NRG3: variants seen among roughly 807,000 people sequenced by gnomAD.
The protein encoded by NRG3 is neuregulin 3.
In NRG3, 31 loss-of-function variants were observed where a neutral mutation model predicts 66.9. The ratio of observed to expected loss-of-function variants is 0.46; its 90% CI spans 0.35 to 0.63. The LOEUF is 0.63. Ranked by LOEUF, NRG3 falls within the 20% of genes least tolerant of loss-of-function variation. The probability of loss-of-function intolerance (pLI) is 0.00; values close to 1 mark genes in which losing one functional copy is unlikely to be tolerated. For synonymous variants in NRG3, 393 were observed against 359.4 expected, an observed-to-expected ratio of 1.09 and a Z score of -1.06; for missense variants, 910 against 878.9, an observed-to-expected ratio of 1.04 and a Z score of -0.45.
intron 2 of NRG3, among the ~76,000 whole-genome samples, chr10:82,604,332 A>G (rs893900091): frequency 5.3e-5 from 8 of 152,114 alleles, no homozygotes; most frequent in African/African-American, 1.7e-4. Flanking sequence ...TCACCTTGCA[A>G]TATGTGTTTA....
intron 4 of NRG3, among the ~76,000 whole-genome samples, chr10:82,866,149 T>A (rs1359325290): frequency 6.6e-6 from 1 of 152,104 alleles, no homozygotes. Flanking sequence ...AGTACATGGA[T>A]GGAAAGACAC....
intron 1 of NRG3, among the ~76,000 whole-genome samples, chr10:82,346,355 G>A (rs920985605): frequency 6.8e-6 from 1 of 146,618 alleles, no homozygotes; most frequent in South Asian, 2.1e-4. Context: ...CTGTTTATAT[G>A]CTCGATTATA....
At chr10:81,940,125 A>G (rs1848277598) in intron 1 of NRG3, among the ~76,000 whole-genome samples, 1 of 152,146 alleles carries the variant, frequency 6.6e-6, no homozygotes, top group Admixed American at 6.6e-5. Context: ...ATAGTCAGAA[A>G]AAGATGCTTA....
chr10:82,802,224 A>G (rs1014673251), intron 3 of NRG3, among the ~76,000 whole-genome samples: 2 of 152,204 alleles, frequency 1.3e-5, no homozygotes, highest in Non-Finnish European at 2.9e-5. Flanking sequence ...GAGCTCATTC[A>G]CGACAGAGAG....
chr10:82,462,157 C>A (rs186991688), intron 2 of NRG3, among the ~76,000 whole-genome samples: 3,778 of 151,246 alleles, frequency 0.025, 133 homozygotes, highest in African/African-American at 0.08. Flanking sequence ...ATAAATAAAT[C>A]TATCTATCTA....
chr10:82,418,082 T>G (rs565499868), intron 2 of NRG3, among the ~76,000 whole-genome samples: 1 of 152,346 alleles, frequency 6.6e-6, no homozygotes, highest in East Asian at 1.9e-4. Context: ...TGAAACATTT[T>G]AGGGCCAAAT....
intron 2 of NRG3, among the ~76,000 whole-genome samples, chr10:82,643,595 T>C (rs573042350): frequency 1.3e-5 from 2 of 152,254 alleles, no homozygotes; most frequent in South Asian, 4.1e-4. Context: ...ACCTACAAAC[T>C]GTGAGGCCTT....
At chr10:82,718,879 A>C (rs994097430) in intron 2 of NRG3, among the ~76,000 whole-genome samples, 1 of 152,236 alleles carries the variant, frequency 6.6e-6, no homozygotes, top group African/African-American at 2.4e-5. Flanking sequence ...AGGTCATTAA[A>C]GTTGTAATTG....
At position 81,934,304 on chromosome 10, in the gene NRG3, G is replaced by A. The variant is rs963559324; in HGVS notation, c.823+58141G>A. The stretch of plus-strand genomic sequence containing the variant: ...GCTGAAAGCTTAATGATCAGCTGGA[G>A]AAGAGGCGTAATGAATAGTTGCAGC... On this transcript the variant is annotated intron_variant, in intron 1 of 8. Transcript: ENST00000372141. Among the ~76,000 whole-genome samples, 45 of 152,194 alleles carry A rather than the reference G, an allele frequency of 3.0e-4. 1 individual carries two copies. Among genetic ancestry groups the A allele is most frequent in the Admixed American group, 6.5e-5 (1 of 15,282 alleles).
In NRG3 at chr10:82,356,166, C is replaced by T. The variant is rs929686945; in HGVS notation, c.824-2573C>T. On this transcript the variant is annotated intron_variant, in intron 1 of 8. Coordinates refer to ENST00000372141, the MANE Select transcript of NRG3 (RefSeq NM_001010848.4). ...ATCAGTTGGTAGAATGGGGCGGTAA[C>T]CACTAGAGATAGCAGTTGTCAGATG... is the stretch of plus-strand genomic sequence containing the variant. 3.3e-5 allele frequency among the ~76,000 whole-genome samples: 5 copies of T among 152,060 alleles called. No homozygotes were observed. In the East Asian group the frequency reaches 9.6e-4, roughly 29 times the overall value.
At chr10:82,174,156 G>A (rs190799385) in intron 1 of NRG3, among the ~76,000 whole-genome samples, 9 of 152,116 alleles carry the variant, frequency 5.9e-5, no homozygotes, top group East Asian at 3.9e-4. Context: ...AAATAACATA[G>A]AGTTCATTGA....
At chr10:82,697,038 A>C (rs1436492448) in intron 2 of NRG3, among the ~76,000 whole-genome samples, 1 of 152,154 alleles carries the variant, frequency 6.6e-6, no homozygotes, top group East Asian at 1.9e-4. Flanking sequence ...TGAGACTTTC[A>C]AATATTATGG....
intron 1 of NRG3, among the ~76,000 whole-genome samples, chr10:82,004,406 T>C (rs2061302904): frequency 6.6e-6 from 1 of 152,144 alleles, no homozygotes; most frequent in East Asian, 1.9e-4. Flanking sequence ...ACCAAAGGTG[T>C]AAAGTCCTTG....
chr10:82,984,134 T>A (rs1275365536), intron 8 of NRG3, among the ~76,000 whole-genome samples: 1 of 152,162 alleles, frequency 6.6e-6, no homozygotes, highest in Non-Finnish European at 1.5e-5. Context: ...TAGGGACAAA[T>A]AACTAAGAAA....
At chr10:82,793,104 T>G (rs1442394043) in intron 3 of NRG3, among the ~76,000 whole-genome samples, 2 of 152,182 alleles carry the variant, frequency 1.3e-5, no homozygotes, top group East Asian at 1.9e-4. Context: ...TAAAAAAAAT[T>G]TCTCTCCTGA....
At chr10:82,477,964 G>A (rs577158596) in intron 2 of NRG3, among the ~76,000 whole-genome samples, 1 of 152,242 alleles carries the variant, frequency 6.6e-6, no homozygotes, top group Non-Finnish European at 1.5e-5. Context: ...AGGAAAACGG[G>A]ACTACTCTGT....
At chr10:82,677,733 A>G (rs770745095) in intron 2 of NRG3, among the ~76,000 whole-genome samples, 13 of 152,160 alleles carry the variant, frequency 8.5e-5, no homozygotes, top group African/African-American at 2.9e-4. Flanking sequence ...GGCAGGTTTT[A>G]GAGCAGGAAT....
chr10:82,615,913 T>G (rs1184112172), intron 2 of NRG3, among the ~76,000 whole-genome samples: 1 of 152,152 alleles, frequency 6.6e-6, no homozygotes, highest in Non-Finnish European at 1.5e-5. Context: ...AGACTACTCC[T>G]GTGAGACAAA....
chr10:82,903,784 A>G (rs1197451618), intron 4 of NRG3, among the ~76,000 whole-genome samples: 3 of 152,120 alleles, frequency 2.0e-5, no homozygotes, highest in Admixed American at 6.6e-5. Context: ...GCTATTAGTA[A>G]TTAAATTTGA....
Sources: gnomAD v4.1 joint callset for allele counts (sites outside exome capture counted in the v4.1 genomes callset) on GRCh38, gnomAD v4.1.1 for gene constraint, MANE v1.5 for transcripts, NCBI Gene and HGNC (gene_info 2026-07-23, HGNC 2026-07-21) for gene names.